IRS1: variants seen among roughly 807,000 people sequenced by gnomAD.
IRS1 encodes insulin receptor substrate 1.
A neutral mutation model predicts 65.6 loss-of-function variants in IRS1; 34 were observed. That is an observed-to-expected ratio of 0.52 (90% CI 0.39 to 0.69). The LOEUF (loss-of-function observed/expected upper bound fraction) is 0.69. IRS1 is among the 30% of genes least tolerant of loss of function. IRS1 has a pLI of 0.00. For missense variants in IRS1, 1,641 were observed against 1,720.2 expected, an observed-to-expected ratio of 0.95 and a Z score of 0.81; for synonymous variants, 699 against 683.5, an observed-to-expected ratio of 1.02 and a Z score of -0.35.
rs1938265967 is a variant in IRS1 at position 226,733,330 on chromosome 2, G to A, written c.*2942C>T. The stretch of plus-strand genomic sequence containing the variant: ...ATCCATTTTTGCAGTCACTGGATTA[G>A]TCAAGAGTCCTTGACCTTTGAAAGT... On this transcript the variant is annotated 3_prime_UTR_variant, in exon 2 of 2. Coordinates refer to ENST00000305123, the MANE Select transcript of IRS1 (RefSeq NM_005544.3). The A allele has an allele frequency of 6.6e-6, 1 of 152,158 alleles. No homozygotes were observed. Among genetic ancestry groups the A allele is most frequent in the African/African-American group, 2.4e-5 (1 of 41,432 alleles). The allele number at this position is 152,158 out of a possible 1,614,324, so 9.4% of individuals were successfully genotyped here. A position where few individuals can be genotyped will look rare whatever the true frequency, so the allele number is the denominator to read the frequency against.
intron 1 of IRS1, among the ~76,000 whole-genome samples, chr2:226,782,456 T>C (rs530789321): frequency 6.6e-6 from 1 of 152,300 alleles, no homozygotes; most frequent in Admixed American, 6.5e-5. Flanking sequence ...AGATTTATGC[T>C]CAGGCAGCGA....
rs898476192 is a variant in IRS1, at chr2:226,795,643, A to C, written c.3096T>G (p.Ala1032=). 1.2e-6 allele frequency: 2 copies of C among 1,612,840 alleles called. No homozygotes were observed. ...AGGCTGCTGAGGATGAGGAGGCAGC[A>C]GCCATGGTGGCCCTGGGCAGGCTCA... ...EEVSLPRATM[A]AASSSSAASA... is the part of the protein sequence containing the mutation. The change falls in exon 1 of 2, where the codon GCT becomes GCG. Residue 1032 remains alanine, a synonymous_variant. Transcript: ENST00000305123.
At chr2:226,750,173 C>T (rs529043711) in intron 1 of IRS1, among the ~76,000 whole-genome samples, 1 of 149,322 alleles carries the variant, frequency 6.7e-6, no homozygotes, top group African/African-American at 2.5e-5. Context: ...CACTTGAACC[C>T]AGGAGGCGGA....
chr2:226,758,592 T>C (rs575954719), intron 1 of IRS1, among the ~76,000 whole-genome samples: 1 of 152,264 alleles, frequency 6.6e-6, no homozygotes, highest in Non-Finnish European at 1.5e-5. Flanking sequence ...TAGAAATAAT[T>C]ATAATGAATC....
intron 1 of IRS1, among the ~76,000 whole-genome samples, chr2:226,786,025 A>C (rs1487117768): frequency 6.7e-6 from 1 of 150,140 alleles, no homozygotes; most frequent in Non-Finnish European, 1.5e-5. Context: ...TAGTTTGCTG[A>C]GAATGATGAT....
In IRS1 at chr2:226,796,595, T is replaced by C; in HGVS notation, c.2144A>G (p.Lys715Arg). The stretch of plus-strand genomic sequence containing the variant: ...ACCACCGCTGCTCTCCACTGGGGGT[T>C]TGGGGTGAGGCAAGACATGAGAGTG... ...GHHSHVLPHP[K>R]PPVESSGGKL... Residue 715 changes from lysine to arginine, a missense_variant, in exon 1 of 2, where the codon AAA (lysine) becomes AGA (arginine). By Grantham distance (26) the Lys-to-Arg change is conservative (BLOSUM62 2). Around this residue, in one of 3 missense-constraint regions of IRS1, gnomAD observed 1,324 missense variants for 1,361.0 expected, o/e 0.97. Coordinates refer to ENST00000305123, the MANE Select transcript of IRS1 (RefSeq NM_005544.3). 2.5e-6 allele frequency: 4 copies of C among 1,613,962 alleles called. No individual in the cohort carries two copies. Among genetic ancestry groups the C allele is most frequent in the Non-Finnish European group, 3.4e-6 (4 of 1,179,940 alleles).
chr2:226,781,905 C>CAT lies in IRS1; in HGVS notation c.*21+13083_*21+13084insAT, dbSNP rs1553533173. Among the ~76,000 whole-genome samples, 159 of 150,344 alleles carry CAT rather than the reference C, an allele frequency of 1.1e-3. 1 individual carries two copies. Among genetic ancestry groups the CAT allele is most frequent in the African/African-American group, 3.8e-3 (156 of 41,022 alleles). Reference sequence around the variant, plus strand: ...ACACACACACACACACACACACACACACGTTTGGGCAAAAGGGAGTTTTAA... The same window carrying CAT: ...ACACACACACACACACACACACACACATACGTTTGGGCAAAAGGGAGTTTTAA... On this transcript the variant is annotated intron_variant, in intron 1 of 1. Transcript: ENST00000305123.
chr2:226,787,430 G>A (rs1939507815), intron 1 of IRS1, among the ~76,000 whole-genome samples: 1 of 152,022 alleles, frequency 6.6e-6, no homozygotes, highest in African/African-American at 2.4e-5. Context: ...ATCTTGATTT[G>A]GTTTTCCCGG....
chr2:226,764,958 A>G (rs1159290882), intron 1 of IRS1, among the ~76,000 whole-genome samples: 1 of 152,228 alleles, frequency 6.6e-6, no homozygotes, highest in East Asian at 1.9e-4. Context: ...TCTATCGCAC[A>G]AACTTTGTTT....
rs200904928 is a variant in IRS1 at position 226,759,315 on chromosome 2, C to T, written c.*22-23065G>A. On this transcript the variant is annotated intron_variant, in intron 1 of 1. Coordinates refer to ENST00000305123, the MANE Select transcript of IRS1 (RefSeq NM_005544.3). Reference sequence around the variant, plus strand: ...ACGTTTAGTCTGGAGAAAATGTTTACAGAGGTTTGCAGCAAATAAACTTCT... The same window carrying T: ...ACGTTTAGTCTGGAGAAAATGTTTATAGAGGTTTGCAGCAAATAAACTTCT... Among the ~76,000 whole-genome samples, 13 of 152,300 alleles carry T rather than the reference C, an allele frequency of 8.5e-5. No homozygotes were observed. In the East Asian group the frequency reaches 2.5e-3, roughly 29 times the overall value.
chr2:226,770,335 C>G (rs917330455), intron 1 of IRS1, among the ~76,000 whole-genome samples: 1 of 152,222 alleles, frequency 6.6e-6, no homozygotes, highest in African/African-American at 2.4e-5. Context: ...GTCTACTTAG[C>G]TTCTTTGATA....
chr2:226,758,272 T>C (rs1446555075), intron 1 of IRS1, among the ~76,000 whole-genome samples: 2 of 152,172 alleles, frequency 1.3e-5, no homozygotes, highest in African/African-American at 4.8e-5. Context: ...AAATAATACT[T>C]GAAGAATGAG....
chr2:226,753,874 A>T (rs1938738829), intron 1 of IRS1, among the ~76,000 whole-genome samples: 1 of 152,104 alleles, frequency 6.6e-6, no homozygotes. Flanking sequence ...ATTGATTAAG[A>T]CAGGGTCTTG....
intron 1 of IRS1, among the ~76,000 whole-genome samples, chr2:226,762,085 T>C (rs917442740): frequency 1.3e-5 from 2 of 152,226 alleles, no homozygotes; most frequent in Non-Finnish European, 2.9e-5. Context: ...ACCCTAAGGT[T>C]CATTTTGTTC....
At position 226,798,872 on chromosome 2, in the gene IRS1, C is replaced by T. The variant is rs894339246; in HGVS notation, c.-134G>A. 3.7e-5 allele frequency: 56 copies of T among 1,525,322 alleles called. No individual in the cohort carries two copies. Among genetic ancestry groups the T allele is most frequent in the Non-Finnish European group, 4.7e-5 (53 of 1,133,364 alleles). The allele number at this position is 1,525,322 out of a possible 1,614,324, so 94.5% of individuals were successfully genotyped here. ...CAGCAGAAACCCCGACTCTGAAATC[C>T]ACGCCGCCCCCCGCGCCGGGGAGGG... On this transcript the variant is annotated 5_prime_UTR_variant, in exon 1 of 2. Coordinates refer to ENST00000305123, the MANE Select transcript of IRS1 (RefSeq NM_005544.3). The surrounding 1 kb of genome is among the most constrained non-coding windows in gnomAD (Gnocchi z 9.4).
chr2:226,781,597 A>G (rs1047603114), intron 1 of IRS1, among the ~76,000 whole-genome samples: 2 of 152,074 alleles, frequency 1.3e-5, no homozygotes, highest in Non-Finnish European at 2.9e-5. Flanking sequence ...GCAGGCTTTG[A>G]AGACACAATA....
Position 226,795,858 on chromosome 2 carries a change from C to T in IRS1, c.2881G>A (p.Glu961Lys), listed in dbSNP as rs781090877. ...GGTGCAGGGCCCAGTCTGCCCATCTCGACCCCAGTGCTCTCCTGCCAGGCT... is the reference window on the plus strand; with the variant it reads ...GGTGCAGGGCCCAGTCTGCCCATCTTGACCCCAGTGCTCTCCTGCCAGGCT... ...RAAWQESTGV[E>K]MGRLGPAPPG... Residue 961 changes from glutamate (E) to lysine (K), a missense_variant, in exon 1 of 2, where the codon GAG becomes AAG. Physicochemically the swap from Glu to Lys is moderately conservative, Grantham distance 56 (BLOSUM62 1). Coordinates refer to ENST00000305123, the MANE Select transcript of IRS1 (RefSeq NM_005544.3). 5.3e-5 allele frequency: 86 copies of T among 1,613,456 alleles called. No homozygotes were observed. Among genetic ancestry groups the T allele is most frequent in the Admixed American group, 3.0e-4 (18 of 60,016 alleles).
rs143443901 is a variant in IRS1, at chr2:226,763,976, T to C, written c.*22-27726A>G. Among the ~76,000 whole-genome samples the C allele has an allele frequency of 9.1e-4, 139 of 152,256 alleles. 1 individual carries two copies. Among genetic ancestry groups the C allele is most frequent in the South Asian group, 2.1e-3 (10 of 4,816 alleles). ...CAAACTCATTTGTATGACCGTTGTA[T>C]AGTAAATGAACTTCAAATCCAAATA... On this transcript the variant is annotated intron_variant, in intron 1 of 1. Coordinates refer to ENST00000305123, the MANE Select transcript of IRS1 (RefSeq NM_005544.3).
chr2:226,783,656 A>T (rs1365707950), intron 1 of IRS1, among the ~76,000 whole-genome samples: 1 of 152,242 alleles, frequency 6.6e-6, no homozygotes, highest in South Asian at 2.1e-4. Flanking sequence ...ATTTTATTCT[A>T]AATGTTCAAC....
Sources: allele counts gnomAD v4.1 joint callset (sites outside exome capture counted in the v4.1 genomes callset), GRCh38; gene constraint gnomAD v4.1.1; regional missense constraint gnomAD v4.1.1; non-coding constraint Gnocchi (gnomAD v3.1); transcripts MANE v1.5; gene names NCBI Gene and HGNC (gene_info 2026-07-23, HGNC 2026-07-21).